Variants in PCSK1 observed in about 807,000 individuals in gnomAD.
PCSK1 encodes the protein proprotein convertase subtilisin/kexin type 1.
In PCSK1, 56 loss-of-function variants were observed where a neutral mutation model predicts 90.6. The observed-to-expected ratio is 0.62, with a 90% CI of 0.50 to 0.77. The LOEUF is 0.77. Ranked by LOEUF, PCSK1 falls within the 30% of genes least tolerant of loss-of-function variation. The pLI is 0.00. For synonymous variants in PCSK1, 348 were observed against 342.4 expected, an observed-to-expected ratio of 1.02 and a Z score of -0.18; for missense variants, 801 against 932.6, an observed-to-expected ratio of 0.86 and a Z score of 1.84.
At chr5:96,422,781 A>G (rs1378930559) in intron 4 of PCSK1, among the ~76,000 whole-genome samples, 1 of 152,262 alleles carries the variant, frequency 6.6e-6, no homozygotes, top group Non-Finnish European at 1.5e-5. Flanking sequence ...TATAAACTTA[A>G]TAAACAATGA....
intron 5 of PCSK1, among the ~76,000 whole-genome samples, chr5:96,417,810 C>T (rs1011258902): frequency 6.6e-6 from 1 of 152,224 alleles, no homozygotes; most frequent in African/African-American, 2.4e-5. Flanking sequence ...CACATCTGAA[C>T]ATACAGAAGG....
intron 2 of PCSK1, 33 bp downstream of exon 2, chr5:96,429,180 G>T: frequency 9.6e-7 from 1 of 1,042,994 alleles, no homozygotes; most frequent in Non-Finnish European, 1.5e-6. Context: ...ATAAGCTAGA[G>T]TATTGGTTTG....
Position 96,422,676 on chromosome 5 carries a change from G to A in PCSK1, c.543+637C>T, listed in dbSNP as rs116317391. ...ATAGCTGGGGAATGTTTGATAGGTG[G>A]AAAGGATGAGAGAAAAACAAGGGAT... is the stretch of plus-strand genomic sequence containing the variant. On this transcript the variant is annotated intron_variant, in intron 4 of 13. Coordinates refer to ENST00000311106, the MANE Select transcript of PCSK1 (RefSeq NM_000439.5). Among the ~76,000 whole-genome samples the A allele has an allele frequency of 4.4e-3, 664 of 152,264 alleles. 7 individuals carry two copies. The highest frequency in any genetic ancestry group is 6.6e-3 in the Non-Finnish European group (449 of 68,024).
In PCSK1 at chr5:96,392,852, C is replaced by T. The variant is rs1759992093; in HGVS notation, c.*149G>A. The T allele has an allele frequency of 1.3e-6, 1 of 782,454 alleles. No homozygotes were observed. The highest frequency in any genetic ancestry group is 1.7e-5 in the African/African-American group (1 of 58,176). 48.5% of individuals were successfully genotyped at this position (782,454 alleles called of 1,614,324 possible). The stretch of plus-strand genomic sequence containing the variant: ...TTCCTGCTTGAGCTCATCCCCTTCA[C>T]ATGTACAGTTTAGGGAGAAAAAGAA... On this transcript the variant is annotated 3_prime_UTR_variant, in exon 14 of 14. Coordinates refer to ENST00000311106, the MANE Select transcript of PCSK1 (RefSeq NM_000439.5).
At chr5:96,423,931 T>C (rs1761204773) in intron 3 of PCSK1, among the ~76,000 whole-genome samples, 1 of 152,208 alleles carries the variant, frequency 6.6e-6, no homozygotes, top group Non-Finnish European at 1.5e-5. Context: ...AAGCAGAACC[T>C]GGAATGCTCA....
intron 1 of PCSK1, among the ~76,000 whole-genome samples, chr5:96,431,392 C>T (rs956044937): frequency 1.3e-5 from 2 of 152,182 alleles, no homozygotes; most frequent in Non-Finnish European, 2.9e-5. Context: ...TCCCGAATTC[C>T]CTACTACTTT....
At chr5:96,432,034 C>G in intron 1 of PCSK1, 1 of 1,366,738 alleles carries the variant, frequency 7.3e-7, no homozygotes, top group Non-Finnish European at 1.0e-6. Flanking sequence ...CAAGCCTTCA[C>G]TTGGACAGGC....
chr5:96,408,669 C>T (rs1050805375), intron 8 of PCSK1, among the ~76,000 whole-genome samples: 3 of 152,176 alleles, frequency 2.0e-5, no homozygotes, highest in Non-Finnish European at 4.4e-5. Flanking sequence ...CATTAATCAT[C>T]GGGTCCATTG....
intron 9 of PCSK1, among the ~76,000 whole-genome samples, chr5:96,400,892 C>T (rs1760336827): frequency 1.3e-5 from 2 of 151,456 alleles, no homozygotes; most frequent in South Asian, 4.2e-4. Context: ...TCGAGACCAT[C>T]TTGGCTAACA....
In PCSK1 at chr5:96,425,008, A is replaced by AAAAGAAAGAAAGAAAG. The variant is rs200406743; in HGVS notation, c.396+796_396+811dup. Reference sequence around the variant, plus strand: ...AAGAAAGAAAGAAAGAGAAAGAAAGAAAAGAAAGAAAGAAAGAAAGAAAGA... The same window carrying AAAAGAAAGAAAGAAAG: ...AAGAAAGAAAGAAAGAGAAAGAAAGAAAAGAAAGAAAGAAAGAAAGAAAGAAAGAAAGAAAGAAAGA... On this transcript the variant is annotated intron_variant, in intron 3 of 13. Coordinates refer to ENST00000311106, the MANE Select transcript of PCSK1 (RefSeq NM_000439.5). 1.6e-3 allele frequency among the ~76,000 whole-genome samples: 184 copies of AAAAGAAAGAAAGAAAG among 117,508 alleles called. 1 individual carries two copies. The highest frequency in any genetic ancestry group is 3.5e-3 in the Admixed American group (37 of 10,590). The allele number at this position is 117,508 out of a possible 152,430, so 77.1% of individuals were successfully genotyped here.
At chr5:96,423,539 G>C (rs971919763) in intron 3 of PCSK1, 80 bp from the exon 4 acceptor site, 22 of 1,275,504 alleles carry the variant, frequency 1.7e-5, no homozygotes, top group Non-Finnish European at 2.3e-5. Context: ...CCAACCTGGA[G>C]ACCCATCTTT....
intron 8 of PCSK1, among the ~76,000 whole-genome samples, chr5:96,409,655 G>C (rs1463662265): frequency 6.6e-6 from 1 of 152,218 alleles, no homozygotes; most frequent in African/African-American, 2.4e-5. Flanking sequence ...TCTAAAGGCA[G>C]CTCTGGACAC....
chr5:96,415,982 T>G, intron 6 of PCSK1, 51 bp downstream of exon 6: 1 of 1,112,516 alleles, frequency 9.0e-7, no homozygotes, highest in Non-Finnish European at 1.4e-6. Context: ...CAATGGGTGA[T>G]GTAAGCTTCA....
rs773476445 is a variant in PCSK1, at chr5:96,412,462, C to T, written c.738G>A (p.Thr246=). The part of the protein sequence containing the change: ...GGIRMLDGIV[T]DAIEASSIGF... ...CAATTGAACTGGCCTCAATAGCATC[C>T]GTCACAATGCCATCCAGCATTCTTA... is the stretch of plus-strand genomic sequence containing the variant. The change falls in exon 7 of 14, where the codon ACG becomes ACA. Residue 246 remains threonine, a synonymous_variant. Transcript: ENST00000311106. 19 of 1,613,890 alleles carry T rather than the reference C, an allele frequency of 1.2e-5. No homozygotes were observed. Among genetic ancestry groups the T allele is most frequent in the South Asian group, 1.1e-4 (10 of 91,068 alleles).
At chr5:96,423,250 C>A in intron 4 of PCSK1, 63 bp downstream of exon 4, 3 of 1,505,440 alleles carry the variant, frequency 2.0e-6, no homozygotes, top group South Asian at 1.2e-5. Context: ...AGAAGGAAAG[C>A]CCTAACTGTG....
chr5:96,396,926 C>A (rs761840832), intron 12 of PCSK1, among the ~76,000 whole-genome samples: 27 of 152,168 alleles, frequency 1.8e-4, no homozygotes, highest in Non-Finnish European at 8.8e-5. Context: ...ATAGCTATTG[C>A]AGAATAATCA....
intron 9 of PCSK1, among the ~76,000 whole-genome samples, chr5:96,405,178 G>A (rs947653948): frequency 6.6e-6 from 1 of 152,132 alleles, no homozygotes; most frequent in Non-Finnish European, 1.5e-5. Context: ...TAAATGTTAA[G>A]ATAGATCAGT....
In PCSK1 at chr5:96,408,322, G is replaced by A. The variant is rs369762633; in HGVS notation, c.1097C>T (p.Thr366Met). 46 of 1,612,294 alleles carry A rather than the reference G, an allele frequency of 2.9e-5. No individual in the cohort carries two copies. The South Asian group carries it at 3.7e-4, about 13-fold the overall frequency. ...SSGDYTDQRI[T>M]SADLHNDCTE... ...GCAGTCATTGTGCAGGTCAGCGCTCGTCTGGATGACGTCAGGAAGGAGAGA... is the reference window on the plus strand; with the variant it reads ...GCAGTCATTGTGCAGGTCAGCGCTCATCTGGATGACGTCAGGAAGGAGAGA... Residue 366 changes from threonine to methionine, a missense_variant and splice_region_variant, in exon 9 of 14, where the codon ACG becomes ATG. Thr to Met is a moderately conservative substitution (Grantham distance 81). Coordinates refer to ENST00000311106, the MANE Select transcript of PCSK1 (RefSeq NM_000439.5).
chr5:96,431,727 G>A (rs1761504784), intron 1 of PCSK1, among the ~76,000 whole-genome samples: 1 of 152,162 alleles, frequency 6.6e-6, no homozygotes, highest in Non-Finnish European at 1.5e-5. Flanking sequence ...ATTCCCCAGA[G>A]GGTTCGGTCT....
Sources: allele counts gnomAD v4.1 joint callset (sites outside exome capture counted in the v4.1 genomes callset), GRCh38; gene constraint gnomAD v4.1.1; transcripts MANE v1.5; gene names NCBI Gene and HGNC (gene_info 2026-07-23, HGNC 2026-07-21).